The following WDPCP variants were observed in gnomAD, a reference collection of about 807,000 sequenced individuals.
WDPCP encodes the protein WD repeat-containing and planar cell polarity effector protein fritz homolog.
WDPCP carries 71 observed loss-of-function variants against 93.1 expected under a neutral mutation model. The ratio of observed to expected loss-of-function variants is 0.76; its 90% confidence interval spans 0.63 to 0.93. WDPCP has a LOEUF of 0.93. Ranked by LOEUF, WDPCP falls within the 40% of genes least tolerant of loss-of-function variation. The probability of loss-of-function intolerance (pLI) is 0.00; values close to 1 mark genes in which losing one functional copy is unlikely to be tolerated. For missense variants in WDPCP, 844 were observed against 887.4 expected (o/e 0.95, Z 0.62); for synonymous variants, 315 against 315.0 (o/e 1.00, Z 0.00).
chr2:63,697,848 A>G (rs920522726), intron 2 of WDPCP, among the ~76,000 whole-genome samples: 44 of 151,826 alleles, frequency 2.9e-4, no homozygotes, highest in African/African-American at 1.0e-3. Context: ...GGGTTTTGCC[A>G]TGTTGCCCAG....
chr2:63,208,674 G>T (rs971662471), intron 14 of WDPCP, among the ~76,000 whole-genome samples: 2 of 152,164 alleles, frequency 1.3e-5, no homozygotes, highest in Non-Finnish European at 2.9e-5. Flanking sequence ...TTCTGAGAAT[G>T]ACTTCACAAA....
At chr2:63,671,578 C>T (rs1192017691) in intron 2 of WDPCP, among the ~76,000 whole-genome samples, 1 of 151,908 alleles carries the variant, frequency 6.6e-6, no homozygotes, top group African/African-American at 2.4e-5. Context: ...CACGGAGTCT[C>T]ACTCTGTCAC....
intron 1 of WDPCP, among the ~76,000 whole-genome samples, chr2:63,505,693 G>A (rs1392524773): frequency 6.6e-6 from 1 of 151,918 alleles, no homozygotes; most frequent in Non-Finnish European, 1.5e-5. Context: ...TTAAAATAAT[G>A]AGTCTGATCT....
At chr2:63,560,904 C>T (rs1438446575) in intron 1 of WDPCP, among the ~76,000 whole-genome samples, 1 of 152,130 alleles carries the variant, frequency 6.6e-6, no homozygotes, top group Non-Finnish European at 1.5e-5. Context: ...ATGGGTGCAG[C>T]AAACCAACAT....
At chr2:63,297,915 G>C (rs1684992933) in intron 13 of WDPCP, among the ~76,000 whole-genome samples, 1 of 152,162 alleles carries the variant, frequency 6.6e-6, no homozygotes, top group African/African-American at 2.4e-5. Flanking sequence ...AAGAAGAATA[G>C]CATGATTGGT....
chr2:63,528,184 G>T (rs578018028), intron 1 of WDPCP, among the ~76,000 whole-genome samples: 10 of 152,236 alleles, frequency 6.6e-5, no homozygotes, highest in African/African-American at 1.4e-4. Context: ...CACCCTGATG[G>T]TAGTTTCTTT....
intron 2 of WDPCP, among the ~76,000 whole-genome samples, chr2:63,690,989 G>A (rs1259988318): frequency 1.3e-5 from 2 of 152,128 alleles, no homozygotes; most frequent in Admixed American, 6.5e-5. Flanking sequence ...GTAGGGAAAT[G>A]TAATGCAAAT....
At chr2:63,466,857 C>T (rs554155701) in intron 6 of WDPCP, among the ~76,000 whole-genome samples, 3 of 151,996 alleles carry the variant, frequency 2.0e-5, no homozygotes, top group Admixed American at 1.3e-4. Context: ...GCTTCCAAAA[C>T]GTTATTAGTC....
intron 2 of WDPCP, among the ~76,000 whole-genome samples, chr2:63,773,678 G>A (rs1670262776): frequency 6.6e-6 from 1 of 152,106 alleles, no homozygotes; most frequent in Admixed American, 6.6e-5. Flanking sequence ...ATGAATGGCT[G>A]TTGAATAAGA....
At chr2:63,505,844 T>A (rs1015700443) in intron 1 of WDPCP, among the ~76,000 whole-genome samples, 4 of 152,058 alleles carry the variant, frequency 2.6e-5, no homozygotes, top group Non-Finnish European at 4.4e-5. Context: ...ATTCACAATA[T>A]GAAGTTAACA....
At chr2:63,360,758 T>G (rs183835155) in intron 12 of WDPCP, among the ~76,000 whole-genome samples, 71 of 152,314 alleles carry the variant, frequency 4.7e-4, no homozygotes, top group African/African-American at 1.6e-3. Context: ...GCCCCAGTGG[T>G]CCAAATCCCA....
intron 2 of WDPCP, among the ~76,000 whole-genome samples, chr2:63,787,842 C>A (rs1670491477): frequency 1.3e-5 from 2 of 151,974 alleles, no homozygotes; most frequent in Admixed American, 6.6e-5. Flanking sequence ...GAGTTCAAGA[C>A]CAGCCTGGCT....
chr2:63,408,791 T>A (rs866207140), intron 9 of WDPCP, among the ~76,000 whole-genome samples: 1 of 151,996 alleles, frequency 6.6e-6, no homozygotes, highest in South Asian at 2.1e-4. Flanking sequence ...CCGACTTCCC[T>A]GACAACCTGC....
At position 63,280,179 on chromosome 2, in the gene WDPCP, A is replaced by G. The variant is rs145525724; in HGVS notation, c.1813-20770T>C. 2.0e-5 allele frequency among the ~76,000 whole-genome samples: 3 copies of G among 152,318 alleles called. No homozygotes were observed. In the East Asian group the frequency reaches 5.8e-4, roughly 29 times the overall value. On this transcript the variant is annotated intron_variant, in intron 13 of 17. Transcript: ENST00000272321. ...TTAGTTCATTTGCATGCTGCTGATA[A>G]AGACATACCCAAAAGTGGGAACAAA... is the stretch of plus-strand genomic sequence containing the variant.
At chr2:63,564,309 G>A (rs1044116389) in intron 1 of WDPCP, 2 of 152,192 alleles carry the variant, frequency 1.3e-5, no homozygotes, top group African/African-American at 4.8e-5. Context: ...GAATTTCACT[G>A]TTAGAATTCT....
In WDPCP at chr2:63,487,436, A is replaced by G. The variant is rs201607698; in HGVS notation, c.208+11T>C. On this transcript the variant is annotated intron_variant, in intron 3 of 17. Coordinates refer to ENST00000272321, the MANE Select transcript of WDPCP (RefSeq NM_015910.7). ...TTAATAAAAATTAATTGCACAGAAT[A>G]GGTACTTTACCTGGTGGATCTTTCT... 6.2e-5 allele frequency: 98 copies of G among 1,575,610 alleles called. No individual in the cohort carries two copies. The East Asian group carries it at 1.5e-3, about 24-fold the overall frequency.
intron 3 of WDPCP, chr2:63,622,453 G>A (rs980390930): frequency 1.1e-5 from 18 of 1,613,812 alleles, no homozygotes; most frequent in African/African-American, 5.3e-5. Context: ...GCTTCCCGGC[G>A]GATTTCAGTC....
chr2:63,259,831 A>G (rs1312819297), intron 13 of WDPCP, among the ~76,000 whole-genome samples: 1 of 152,234 alleles, frequency 6.6e-6, no homozygotes, highest in Non-Finnish European at 1.5e-5. Flanking sequence ...ATTTGTTATT[A>G]TTAATATTAC....
chr2:63,837,640 A>G, the WDPCP span, among the ~76,000 whole-genome samples: 1 of 152,218 alleles, frequency 6.6e-6, no homozygotes, highest in Non-Finnish European at 1.5e-5. Context: ...ACCACTCCTT[A>G]TTAGATAATG....
Sources: allele counts gnomAD v4.1 joint callset (sites outside exome capture counted in the v4.1 genomes callset), GRCh38; gene constraint gnomAD v4.1.1; transcripts MANE v1.5; gene names NCBI Gene and HGNC (gene_info 2026-07-23, HGNC 2026-07-21).